The following PPM1H variants were observed in gnomAD, a reference collection of about 807,000 sequenced individuals.
PPM1H encodes protein phosphatase 1H.
A neutral mutation model predicts 54.9 loss-of-function variants in PPM1H; 27 were observed. The observed-to-expected ratio is 0.49, with a 90% CI of 0.36 to 0.68. The LOEUF (loss-of-function observed/expected upper bound fraction) is 0.68. Among genes scored for constraint, PPM1H ranks in the 30% least tolerant of loss-of-function variants. The pLI is 0.00. For missense variants in PPM1H, 596 were observed against 667.8 expected, an observed-to-expected ratio of 0.89 and a Z score of 1.19; for synonymous variants, 305 against 270.8, an observed-to-expected ratio of 1.13 and a Z score of -1.24.
chr12:62,728,974 T>C (rs1358898218), intron 5 of PPM1H, among the ~76,000 whole-genome samples: 1 of 152,190 alleles, frequency 6.6e-6, no homozygotes, highest in Admixed American at 6.5e-5. Context: ...TGTGGTCAGC[T>C]GGCCAGTGAG....
chr12:62,657,919 A>G (rs1371941090), intron 9 of PPM1H, among the ~76,000 whole-genome samples: 1 of 152,152 alleles, frequency 6.6e-6, no homozygotes, highest in Non-Finnish European at 1.5e-5. Context: ...GACATCAGGA[A>G]GGCTTCTCTC....
chr12:62,710,626 G>A (rs765309160), intron 6 of PPM1H, among the ~76,000 whole-genome samples: 14 of 151,804 alleles, frequency 9.2e-5, no homozygotes, highest in Admixed American at 7.2e-4. Context: ...CTTCCTGGCT[G>A]TAGTGATGGT....
intron 1 of PPM1H, among the ~76,000 whole-genome samples, chr12:62,920,722 C>T (rs1222822642): frequency 1.3e-5 from 2 of 151,866 alleles, no homozygotes; most frequent in African/African-American, 2.4e-5. Flanking sequence ...CTCTTATAGG[C>T]TATTCATAGT....
At chr12:62,872,305 A>C (rs1164456309) in intron 1 of PPM1H, among the ~76,000 whole-genome samples, 1 of 152,208 alleles carries the variant, frequency 6.6e-6, no homozygotes, top group Non-Finnish European at 1.5e-5. Context: ...TAGATGCTAC[A>C]TTACAGCCTG....
At chr12:62,800,295 A>G (rs2076759367) in intron 3 of PPM1H, among the ~76,000 whole-genome samples, 1 of 151,376 alleles carries the variant, frequency 6.6e-6, no homozygotes, top group South Asian at 2.1e-4. Context: ...GACTTCATTT[A>G]ACAGCTTCTC....
intron 4 of PPM1H, among the ~76,000 whole-genome samples, chr12:62,763,150 A>G (rs1360505995): frequency 6.6e-6 from 1 of 152,100 alleles, no homozygotes; most frequent in Non-Finnish European, 1.5e-5. Flanking sequence ...GATCAAGCAA[A>G]TGGTCTTTTC....
At chr12:62,803,614 A>G (rs1376485117) in intron 2 of PPM1H, among the ~76,000 whole-genome samples, 3 of 152,192 alleles carry the variant, frequency 2.0e-5, no homozygotes, top group African/African-American at 7.2e-5. Context: ...ACATGGGGGA[A>G]AAAAACTCCT....
chr12:62,778,779 A>G (rs1225150210), intron 4 of PPM1H, among the ~76,000 whole-genome samples: 3 of 152,014 alleles, frequency 2.0e-5, no homozygotes, highest in Non-Finnish European at 2.9e-5. Flanking sequence ...CAAAAAATAA[A>G]AATTAGCTTG....
chr12:62,881,395 AGAG>A (rs2121044818), intron 1 of PPM1H, among the ~76,000 whole-genome samples: 1 of 152,074 alleles, frequency 6.6e-6, no homozygotes, highest in African/African-American at 2.4e-5. Context: ...TGGAAGGCAG[AGAG>A]GAGAGAGAGA....
intron 2 of PPM1H, among the ~76,000 whole-genome samples, 172 bp from the exon 3 acceptor site, chr12:62,802,332 CAAAA>C (rs952110587): frequency 6.6e-6 from 1 of 151,492 alleles, no homozygotes; most frequent in African/African-American, 2.4e-5. Context: ...AAAACAAAAA[CAAAA>C]AAAACACTCA....
chr12:62,781,727 G>A (rs1355211983), intron 4 of PPM1H, among the ~76,000 whole-genome samples: 1 of 152,218 alleles, frequency 6.6e-6, no homozygotes, highest in Non-Finnish European at 1.5e-5. Flanking sequence ...AGAAGTACCT[G>A]AGAGAGGAAG....
intron 1 of PPM1H, among the ~76,000 whole-genome samples, chr12:62,860,149 C>A (rs780428630): frequency 3.3e-5 from 5 of 152,122 alleles, no homozygotes; most frequent in Non-Finnish European, 7.4e-5. Context: ...GCAAATACAT[C>A]CTTCTTCACA....
chr12:62,668,612 A>G (rs1042938759), intron 8 of PPM1H, among the ~76,000 whole-genome samples: 1 of 152,166 alleles, frequency 6.6e-6, no homozygotes, highest in African/African-American at 2.4e-5. Flanking sequence ...CCTGGCTTCA[A>G]GGGATCCGCC....
intron 8 of PPM1H, among the ~76,000 whole-genome samples, chr12:62,686,623 G>T (rs1028171975): frequency 1.3e-5 from 2 of 152,186 alleles, no homozygotes; most frequent in African/African-American, 4.8e-5. Flanking sequence ...CTTCTAGGGG[G>T]AACTTTGGAC....
chr12:62,878,722 T>C (rs1425477729), intron 1 of PPM1H, among the ~76,000 whole-genome samples: 1 of 148,932 alleles, frequency 6.7e-6, no homozygotes. Flanking sequence ...GGTGGATCAC[T>C]TGAGGTCAGG....
chr12:62,870,653 G>A (rs1869943146), intron 1 of PPM1H, among the ~76,000 whole-genome samples: 1 of 152,190 alleles, frequency 6.6e-6, no homozygotes, highest in African/African-American at 2.4e-5. Context: ...TTCTCTTAAT[G>A]GATTAGGAGG....
intron 2 of PPM1H, among the ~76,000 whole-genome samples, chr12:62,819,907 A>G (rs2076891788): frequency 6.6e-6 from 1 of 152,230 alleles, no homozygotes; most frequent in Non-Finnish European, 1.5e-5. Flanking sequence ...TACCTGGTTC[A>G]TCTCATTGGG....
At chr12:62,816,797 A>T (rs939657368) in intron 2 of PPM1H, among the ~76,000 whole-genome samples, 2 of 151,856 alleles carry the variant, frequency 1.3e-5, no homozygotes, top group African/African-American at 2.4e-5. Context: ...TGTTCTTCCC[A>T]CTTAAAGCTG....
At chr12:62,765,600 C>T (rs943177930) in intron 4 of PPM1H, among the ~76,000 whole-genome samples, 3 of 152,168 alleles carry the variant, frequency 2.0e-5, no homozygotes, top group Admixed American at 6.5e-5. Context: ...ATTCCTGCCA[C>T]AAACAAGCTC....
Sources: gnomAD v4.1 joint callset for allele counts (sites outside exome capture counted in the v4.1 genomes callset) on GRCh38, gnomAD v4.1.1 for gene constraint, MANE v1.5 for transcripts, NCBI Gene and HGNC (gene_info 2026-07-23, HGNC 2026-07-21) for gene names.